CAMK1D: variants seen among roughly 807,000 people sequenced by gnomAD.
The protein encoded by CAMK1D is calcium/calmodulin dependent protein kinase ID.
In CAMK1D, 9 loss-of-function variants were observed where a neutral mutation model predicts 47.7. The observed-to-expected ratio is 0.19, with a 90% CI of 0.11 to 0.33. The LOEUF (loss-of-function observed/expected upper bound fraction) is 0.33, where lower values mean the gene tolerates loss of function less well. Ranked by LOEUF, CAMK1D falls within the 10% of genes least tolerant of loss-of-function variation. The probability of loss-of-function intolerance (pLI) is 1.00; values close to 1 mark genes in which losing one functional copy is unlikely to be tolerated. For synonymous variants in CAMK1D, 184 were observed against 184.9 expected (o/e 0.99, Z 0.04); for missense variants, 291 against 488.7 (o/e 0.60, Z 3.81).
intron 6 of CAMK1D, among the ~76,000 whole-genome samples, chr10:12,806,550 C>A (rs1259353597): frequency 6.6e-6 from 1 of 152,228 alleles, no homozygotes; most frequent in Non-Finnish European, 1.5e-5. Context: ...GCAGGGCTCA[C>A]CCCTTTTGCG....
intron 2 of CAMK1D, among the ~76,000 whole-genome samples, chr10:12,591,068 T>G (rs142572939): frequency 6.6e-6 from 1 of 152,254 alleles, no homozygotes; most frequent in Non-Finnish European, 1.5e-5. Flanking sequence ...TTGTTTTTCC[T>G]CTGTCTGCTT....
chr10:12,631,091 GC>G (rs1450415638), intron 2 of CAMK1D, among the ~76,000 whole-genome samples: 1 of 151,354 alleles, frequency 6.6e-6, no homozygotes, highest in Non-Finnish European at 1.5e-5. Flanking sequence ...TCTATGCACG[GC>G]CATTCTCACA....
At chr10:12,666,840 G>A (rs766933127) in intron 3 of CAMK1D, 30 bp downstream of exon 3, 1 of 1,552,734 alleles carries the variant, frequency 6.4e-7, no homozygotes, top group Non-Finnish European at 8.9e-7. Context: ...GATGAGTTTT[G>A]AACCAACTTG....
At chr10:12,406,722 C>CAAAA (rs3061400) in intron 1 of CAMK1D, among the ~76,000 whole-genome samples, 780 of 69,054 alleles carry the variant, frequency 0.011, 69 homozygotes, top group Middle Eastern at 0.033. Context: ...GACCCTGTCT[C>CAAAA]AAAAAAAAAA....
chr10:12,757,689 G>C (rs1308474187), intron 3 of CAMK1D, among the ~76,000 whole-genome samples: 1 of 152,116 alleles, frequency 6.6e-6, no homozygotes, highest in African/African-American at 2.4e-5. Flanking sequence ...AGTTCTGGAG[G>C]CTGGACGTCT....
chr10:12,795,461 A>G (rs1838158636), intron 6 of CAMK1D, among the ~76,000 whole-genome samples: 1 of 152,190 alleles, frequency 6.6e-6, no homozygotes, highest in Admixed American at 6.5e-5. Flanking sequence ...AGCAACAGGC[A>G]GCATGCCAGG....
chr10:12,815,129 A>G (rs1220022204), intron 7 of CAMK1D, among the ~76,000 whole-genome samples: 4 of 152,206 alleles, frequency 2.6e-5, no homozygotes, highest in African/African-American at 9.6e-5. Context: ...GACCAAAATC[A>G]TACAACTAGT....
intron 6 of CAMK1D, among the ~76,000 whole-genome samples, chr10:12,807,407 C>T (rs1273198746): frequency 6.6e-6 from 1 of 151,258 alleles, no homozygotes; most frequent in Non-Finnish European, 1.5e-5. Flanking sequence ...CCGGCCCATG[C>T]TCTGCCCTCT....
chr10:12,658,634 G>A (rs191234448), intron 2 of CAMK1D, among the ~76,000 whole-genome samples: 4 of 152,250 alleles, frequency 2.6e-5, no homozygotes, highest in African/African-American at 9.6e-5. Flanking sequence ...ACACACAAAT[G>A]GCTGGACATC....
At chr10:12,537,755 T>C (rs1201801546) in intron 1 of CAMK1D, among the ~76,000 whole-genome samples, 1 of 152,256 alleles carries the variant, frequency 6.6e-6, no homozygotes, top group Non-Finnish European at 1.5e-5. Flanking sequence ...TTATTAATAT[T>C]GTATTAGTAG....
intron 2 of CAMK1D, among the ~76,000 whole-genome samples, chr10:12,593,912 C>T (rs1222528033): frequency 6.6e-6 from 1 of 152,152 alleles, no homozygotes; most frequent in Non-Finnish European, 1.5e-5. Flanking sequence ...CGCGGTGGCT[C>T]ACGCCTGTAA....
rs558667390 is a variant in CAMK1D, at chr10:12,761,126, A to C, written c.438+40A>C. 3.7e-6 allele frequency: 6 copies of C among 1,604,164 alleles called. No homozygotes were observed. In the African/African-American group the frequency reaches 4.0e-5, roughly 11 times the overall value. ...CAGCAGCATCCTGCAGCCACTCTGC[A>C]GCCCGCAATGCACGCGACCAAGAGG... On this transcript the variant is annotated intron_variant, in intron 4 of 10. Coordinates refer to ENST00000619168, the MANE Select transcript of CAMK1D (RefSeq NM_153498.4).
rs1466359180 is a variant in CAMK1D at position 12,788,889 on chromosome 10, G to C, written c.566-2269G>C. On this transcript the variant is annotated intron_variant, in intron 5 of 10. Coordinates refer to ENST00000619168, the MANE Select transcript of CAMK1D (RefSeq NM_153498.4). ...GAACATGGTGAAGAAAGGATGTGCA[G>C]ATGTATTTATTTTGCTCTTGTTTAA... Among the ~76,000 whole-genome samples, 3 of 152,318 alleles carry C rather than the reference G, an allele frequency of 2.0e-5. No individual in the cohort carries two copies. The East Asian group carries it at 5.8e-4, about 29-fold the overall frequency.
intron 2 of CAMK1D, among the ~76,000 whole-genome samples, chr10:12,629,458 G>A (rs375479840): frequency 1.3e-5 from 2 of 152,178 alleles, no homozygotes; most frequent in Non-Finnish European, 2.9e-5. Flanking sequence ...CAGAGCTAAA[G>A]GTGAGTCCTT....
chr10:12,514,367 A>G (rs776236458), intron 1 of CAMK1D, among the ~76,000 whole-genome samples: 1 of 152,168 alleles, frequency 6.6e-6, no homozygotes, highest in Non-Finnish European at 1.5e-5. Context: ...GCATCAAGTA[A>G]ATAAAAATTT....
intron 5 of CAMK1D, among the ~76,000 whole-genome samples, chr10:12,786,715 T>A (rs975889436): frequency 6.6e-6 from 1 of 152,224 alleles, no homozygotes; most frequent in South Asian, 2.1e-4. Flanking sequence ...AGCCACTACA[T>A]GTAGCCCAGG....
intron 2 of CAMK1D, among the ~76,000 whole-genome samples, chr10:12,629,341 C>G (rs148906399): frequency 0.011 from 1,736 of 152,292 alleles, 33 homozygotes; most frequent in African/African-American, 0.04. Flanking sequence ...ACTATGCAAT[C>G]AACTTTGCAC....
At chr10:12,560,985 C>A (rs2132290352) in intron 2 of CAMK1D, among the ~76,000 whole-genome samples, 1 of 151,844 alleles carries the variant, frequency 6.6e-6, no homozygotes, top group East Asian at 1.9e-4. Context: ...GCGATCTCGG[C>A]TCACTGCAAG....
chr10:12,518,402 G>A (rs1160287038), intron 1 of CAMK1D, among the ~76,000 whole-genome samples: 1 of 152,158 alleles, frequency 6.6e-6, no homozygotes, highest in African/African-American at 2.4e-5. Flanking sequence ...TGGGCTTAGG[G>A]TTGTTCATAA....
Sources: gnomAD v4.1 joint callset for allele counts (sites outside exome capture counted in the v4.1 genomes callset) on GRCh38, gnomAD v4.1.1 for gene constraint, MANE v1.5 for transcripts, NCBI Gene and HGNC (gene_info 2026-07-23, HGNC 2026-07-21) for gene names.